ZNF227: variants seen among roughly 807,000 people sequenced by gnomAD.
The protein encoded by ZNF227 is zinc finger protein 227.
A neutral mutation model predicts 13.2 loss-of-function variants in ZNF227; 12 were observed. That is an observed-to-expected ratio of 0.91 (90% CI 0.58 to 1.47). The LOEUF is 1.47. Ranked by LOEUF, ZNF227 falls within the 40% of genes most tolerant of loss-of-function variation. The probability of loss-of-function intolerance (pLI) is 0.00; values close to 1 mark genes in which losing one functional copy is unlikely to be tolerated. For missense variants in ZNF227, 885 were observed against 967.5 expected (o/e 0.91, Z 1.13); for synonymous variants, 338 against 326.0 (o/e 1.04, Z -0.40).
chr19:44,230,922 AAAAAATATAT>A (rs1370546575), intron 5 of ZNF227, among the ~76,000 whole-genome samples: 4 of 107,150 alleles, frequency 3.7e-5, no homozygotes, highest in Non-Finnish European at 6.5e-5. Context: ...AAAAAAAAAA[AAAAAATATAT>A]ATATATATAT....
In ZNF227 at chr19:44,235,900, A is replaced by G; in HGVS notation, c.1470A>G (p.Lys490=). The change falls in exon 6 of 6, where the codon AAA becomes AAG. Residue 490 remains lysine (K), a synonymous_variant. Coordinates refer to ENST00000313040, the MANE Select transcript of ZNF227 (RefSeq NM_182490.3). ...ATTTCAGAGTTCACACGGGAGAGAA[A>G]CCCTATAAATGTAAGGAGTGTGGTA... ...HIHFRVHTGE[K]PYKCKECGKG... 6.2e-7 allele frequency: 1 copy of G among 1,613,608 alleles called. No individual in the cohort carries two copies. The highest frequency in any genetic ancestry group is 8.5e-7 in the Non-Finnish European group (1 of 1,179,902).
chr19:44,226,669 C>T (rs560294657), intron 3 of ZNF227, among the ~76,000 whole-genome samples: 16 of 152,254 alleles, frequency 1.1e-4, no homozygotes, highest in South Asian at 1.0e-3. Context: ...TTCCAGGTGC[C>T]GTCTGTCACC....
rs542529574 is a variant in ZNF227, at chr19:44,217,102, A to C, written c.-2-689A>C. Among the ~76,000 whole-genome samples, 35 of 151,768 alleles carry C rather than the reference A, an allele frequency of 2.3e-4. 1 individual carries two copies. The highest frequency in any genetic ancestry group is 7.7e-4 in the African/African-American group (32 of 41,408). ...CTCAGCCTCCCAAGTAGCTGGGATT[A>C]CAGACCCGCACCACCACGCCTGGCT... On this transcript the variant is annotated intron_variant, in intron 2 of 5. Coordinates refer to ENST00000313040, the MANE Select transcript of ZNF227 (RefSeq NM_182490.3).
chr19:44,225,510 A>G (rs1288310048), intron 3 of ZNF227, among the ~76,000 whole-genome samples: 1 of 151,896 alleles, frequency 6.6e-6, no homozygotes, highest in Admixed American at 6.6e-5. Flanking sequence ...GCTTCATTTC[A>G]TTCATTTCAT....
At chr19:44,210,478 T>G (rs1401687003), upstream of ZNF227, among the ~76,000 whole-genome samples, 1 of 152,254 alleles carries the variant, frequency 6.6e-6, no homozygotes, top group Non-Finnish European at 1.5e-5. Flanking sequence ...AGCTTTATAC[T>G]AAGGCTGTAA....
At chr19:44,230,951 A>ATATATATATATC (rs1244386357) in intron 5 of ZNF227, among the ~76,000 whole-genome samples, 3 of 132,726 alleles carry the variant, frequency 2.3e-5, no homozygotes, top group African/African-American at 9.5e-5. Flanking sequence ...ATATATATAT[A>ATATATATATATC]TATCTTAGCC....
intron 2 of ZNF227, chr19:44,217,524 C>A: frequency 1.5e-6 from 1 of 650,556 alleles, no homozygotes; most frequent in Non-Finnish European, 2.8e-6. Context: ...TGAGAGCCCT[C>A]ATATGTTGTT....
At chr19:44,219,265 T>C (rs1972204591) in intron 3 of ZNF227, among the ~76,000 whole-genome samples, 1 of 152,216 alleles carries the variant, frequency 6.6e-6, no homozygotes, top group Non-Finnish European at 1.5e-5. Context: ...TCTTCTCTAG[T>C]TTTGTCTCTT....
At chr19:44,228,763 C>T in intron 4 of ZNF227, 191 bp downstream of exon 4, 1 of 651,258 alleles carries the variant, frequency 1.5e-6, no homozygotes, top group Non-Finnish European at 2.3e-6. Flanking sequence ...TTTTAAATTG[C>T]TGGTTCTCAA....
At chr19:44,220,963 A>C (rs1972436405) in intron 3 of ZNF227, among the ~76,000 whole-genome samples, 1 of 152,086 alleles carries the variant, frequency 6.6e-6, no homozygotes, top group Admixed American at 6.6e-5. Context: ...AATTTCATCC[A>C]TGTCCCTACA....
chr19:44,236,743 A>G lies in ZNF227; in HGVS notation c.2313A>G (p.Pro771=), dbSNP rs754960955. ...AGAGAGTCCACACTGGAGAAAAACC[A>G]TACAAATGTGACATATGTGATAAGG... The part of the protein sequence containing the change: ...AHQRVHTGEK[P]YKCDICDKDF... Residue 771 remains proline, a synonymous_variant, in exon 6 of 6, where the codon CCA becomes CCG. Coordinates refer to ENST00000313040, the MANE Select transcript of ZNF227 (RefSeq NM_182490.3). The G allele has an allele frequency of 1.2e-6, 2 of 1,614,162 alleles. No individual in the cohort carries two copies. The highest frequency in any genetic ancestry group is 3.3e-5 in the Admixed American group (2 of 60,012).
intron 2 of ZNF227, among the ~76,000 whole-genome samples, chr19:44,215,722 T>C (rs2122680294): frequency 6.6e-6 from 1 of 152,254 alleles, no homozygotes; most frequent in East Asian, 1.9e-4. Context: ...GTGCGGTGGC[T>C]CATGCCTGTA....
At chr19:44,221,559 T>C in intron 3 of ZNF227, among the ~76,000 whole-genome samples, 1 of 152,366 alleles carries the variant, frequency 6.6e-6, no homozygotes, top group East Asian at 1.9e-4. Context: ...ATAAATGTTT[T>C]CTTTTGAGAA....
intron 5 of ZNF227, among the ~76,000 whole-genome samples, chr19:44,230,926 A>AAAAAAAAAAAAAAATATAT (rs1555792168): frequency 2.9e-5 from 2 of 68,116 alleles, no homozygotes; most frequent in African/African-American, 9.8e-5. Flanking sequence ...AAAAAAAAAA[A>AAAAAAAAAAAAAAATATAT]ATATATATAT....
intron 3 of ZNF227, among the ~76,000 whole-genome samples, chr19:44,225,816 T>G (rs1423350735): frequency 6.6e-6 from 1 of 152,266 alleles, no homozygotes; most frequent in Non-Finnish European, 1.5e-5. Flanking sequence ...AGGAGCTGCA[T>G]TCCTTTGGAG....
At chr19:44,225,493 C>T (rs572550467) in intron 3 of ZNF227, among the ~76,000 whole-genome samples, 10 of 152,220 alleles carry the variant, frequency 6.6e-5, no homozygotes, top group South Asian at 4.1e-4. Flanking sequence ...TCTGAACTTC[C>T]GTTCTCGCTT....
intron 3 of ZNF227, among the ~76,000 whole-genome samples, chr19:44,220,073 T>C (rs1323233437): frequency 6.6e-6 from 1 of 152,160 alleles, no homozygotes; most frequent in Non-Finnish European, 1.5e-5. Flanking sequence ...GAATGATGGT[T>C]TCCAGTTTCA....
intron 2 of ZNF227, among the ~76,000 whole-genome samples, chr19:44,215,742 C>CT (rs1254029643): frequency 3.3e-5 from 5 of 151,962 alleles, no homozygotes; most frequent in Non-Finnish European, 4.4e-5. Flanking sequence ...AATCCCAGCA[C>CT]TTGGGGAGGC....
At chr19:44,217,723 A>C (rs1411922081) in intron 2 of ZNF227, 68 bp from the exon 3 acceptor site, 3 of 1,541,640 alleles carry the variant, frequency 1.9e-6, no homozygotes, top group African/African-American at 2.7e-5. Context: ...CTATTTCTCT[A>C]ATTTCCTCAT....
Sources: allele counts gnomAD v4.1 joint callset (sites outside exome capture counted in the v4.1 genomes callset), GRCh38; gene constraint gnomAD v4.1.1; transcripts MANE v1.5; gene names NCBI Gene and HGNC (gene_info 2026-07-23, HGNC 2026-07-21).